The following TMEM232 variants were observed in gnomAD, a reference collection of about 807,000 sequenced individuals.
The protein encoded by TMEM232 is transmembrane protein 232.
A neutral mutation model predicts 78.8 loss-of-function variants in TMEM232; 80 were observed. The ratio of observed to expected loss-of-function variants is 1.01; its 90% confidence interval spans 0.85 to 1.22. TMEM232 has a LOEUF of 1.22. TMEM232 is among the 50% of genes most tolerant of loss of function. The pLI, the probability that TMEM232 is intolerant of heterozygous loss-of-function variation, is 0.00. For missense variants in TMEM232, 881 were observed against 742.2 expected (o/e 1.19, Z -2.17); for synonymous variants, 297 against 254.3 (o/e 1.17, Z -1.60).
rs1261700652 is a variant in TMEM232 at position 110,512,215 on chromosome 5, A to G, written c.1703+16373T>C. On this transcript the variant is annotated intron_variant, in intron 12 of 13. Coordinates refer to ENST00000455884, the MANE Select transcript of TMEM232 (RefSeq NM_001039763.4). ...TGTGGAAGAAGTATAATTTTTATTA[A>G]GTACTATATCTGAGACATTTGCTTT... is the stretch of plus-strand genomic sequence containing the variant. 2.0e-5 allele frequency among the ~76,000 whole-genome samples: 3 copies of G among 152,182 alleles called. No homozygotes were observed. In the East Asian group the frequency reaches 5.8e-4, roughly 29 times the overall value.
At chr5:110,719,269 G>GTA (rs528011957) in intron 1 of TMEM232, among the ~76,000 whole-genome samples, 27 of 151,354 alleles carry the variant, frequency 1.8e-4, no homozygotes, top group South Asian at 6.2e-4. Context: ...TATATGTGCT[G>GTA]TATATATATA....
chr5:110,508,333 A>C (rs1767197314), intron 12 of TMEM232, among the ~76,000 whole-genome samples: 1 of 152,046 alleles, frequency 6.6e-6, no homozygotes, highest in Non-Finnish European at 1.5e-5. Flanking sequence ...AGAAAGCATG[A>C]TTAGTGTTGG....
intron 5 of TMEM232, among the ~76,000 whole-genome samples, chr5:110,633,830 G>A (rs957614371): frequency 1.3e-5 from 2 of 151,968 alleles, no homozygotes; most frequent in African/African-American, 4.8e-5. Context: ...AATATGACAG[G>A]AACAAAACTT....
intron 12 of TMEM232, among the ~76,000 whole-genome samples, chr5:110,520,778 C>A (rs1049280219): frequency 2.0e-5 from 3 of 152,078 alleles, no homozygotes; most frequent in Non-Finnish European, 4.4e-5. Context: ...ATTAGCCAGG[C>A]ATGGTGTCGT....
intron 13 of TMEM232, among the ~76,000 whole-genome samples, chr5:110,423,446 A>C (rs147692266): frequency 6.6e-6 from 1 of 152,344 alleles, no homozygotes; most frequent in East Asian, 1.9e-4. Context: ...TGATATATAC[A>C]TGAATACTGA....
chr5:110,730,385 C>T (rs974201655), upstream of TMEM232, among the ~76,000 whole-genome samples: 5 of 152,178 alleles, frequency 3.3e-5, no homozygotes, highest in Non-Finnish European at 7.3e-5. Context: ...TTCTAGATGA[C>T]AATTTCTTAA....
chr5:110,486,454 T>G (rs903935869), intron 12 of TMEM232, among the ~76,000 whole-genome samples: 2 of 152,112 alleles, frequency 1.3e-5, no homozygotes, highest in South Asian at 2.1e-4. Flanking sequence ...TTTCAAGTTT[T>G]AGGGTTAAGT....
intron 2 of TMEM232, among the ~76,000 whole-genome samples, chr5:110,654,671 C>A (rs996631363): frequency 2.5e-4 from 38 of 152,138 alleles, no homozygotes; most frequent in Admixed American, 1.3e-3. Context: ...GTAGTTTTTT[C>A]CAATTCTGTG....
At chr5:110,589,545 G>A (rs12055360) in intron 10 of TMEM232, among the ~76,000 whole-genome samples, 1 of 152,142 alleles carries the variant, frequency 6.6e-6, no homozygotes, top group Admixed American at 6.6e-5. Context: ...GCAGTTATTA[G>A]TATGGACTCC....
At chr5:110,717,972 A>C (rs546701250) in intron 1 of TMEM232, among the ~76,000 whole-genome samples, 1 of 152,168 alleles carries the variant, frequency 6.6e-6, no homozygotes, top group African/African-American at 2.4e-5. Flanking sequence ...AAGGTCTTTA[A>C]CTTAGTTCAA....
chr5:110,565,145 TCTC>T (rs1480755287), intron 11 of TMEM232, among the ~76,000 whole-genome samples: 2 of 152,128 alleles, frequency 1.3e-5, no homozygotes, highest in African/African-American at 2.4e-5. Context: ...AAGCAAATGT[TCTC>T]CTCTTATAGT....
intron 11 of TMEM232, among the ~76,000 whole-genome samples, chr5:110,535,050 A>C (rs764279769): frequency 1.4e-4 from 21 of 151,962 alleles, no homozygotes; most frequent in Non-Finnish European, 2.6e-4. Context: ...ACCACCCCCC[A>C]AAAATTTTTA....
chr5:110,684,663 A>T (rs1793170430), intron 1 of TMEM232: 1 of 152,178 alleles, frequency 6.6e-6, no homozygotes, highest in Admixed American at 6.6e-5. Flanking sequence ...ACAAAAATTT[A>T]GCAAAGCTAT....
chr5:110,439,737 T>C (rs536696370), intron 12 of TMEM232, among the ~76,000 whole-genome samples: 1 of 152,156 alleles, frequency 6.6e-6, no homozygotes, highest in Admixed American at 6.6e-5. Flanking sequence ...ATTTTAATTC[T>C]TTTTCAATTC....
At chr5:110,707,729 C>G (rs1796073665) in intron 1 of TMEM232, among the ~76,000 whole-genome samples, 1 of 152,188 alleles carries the variant, frequency 6.6e-6, no homozygotes, top group Non-Finnish European at 1.5e-5. Context: ...CCAGGCAGTG[C>G]AGCTTGCAGC....
intron 1 of TMEM232, among the ~76,000 whole-genome samples, chr5:110,690,301 C>T (rs913904513): frequency 6.6e-6 from 1 of 151,956 alleles, no homozygotes; most frequent in Non-Finnish European, 1.5e-5. Flanking sequence ...AAATAAACAA[C>T]CCCTTCAAAA....
At position 110,491,388 on chromosome 5, in the gene TMEM232, T is replaced by C. The variant is rs192324285; in HGVS notation, c.1703+37200A>G. On this transcript the variant is annotated intron_variant, in intron 12 of 13. Coordinates refer to ENST00000455884, the MANE Select transcript of TMEM232 (RefSeq NM_001039763.4). ...TGATGGGTATATAAAATGGTGCAGT[T>C]GGTTTGAGAAAATTTAACAGTTTCT... 4.6e-5 allele frequency among the ~76,000 whole-genome samples: 7 copies of C among 152,134 alleles called. 1 individual carries two copies. Among genetic ancestry groups the C allele is most frequent in the Admixed American group, 1.3e-4 (2 of 15,238 alleles).
upstream of TMEM232, among the ~76,000 whole-genome samples, chr5:110,730,103 T>G (rs917123747): frequency 6.6e-6 from 1 of 152,216 alleles, no homozygotes; most frequent in African/African-American, 2.4e-5. Context: ...TTACACAATT[T>G]AAAATATGCA....
At chr5:110,700,748 A>T (rs1795324234) in intron 1 of TMEM232, among the ~76,000 whole-genome samples, 1 of 149,386 alleles carries the variant, frequency 6.7e-6, no homozygotes, top group African/African-American at 2.5e-5. Context: ...ATAAATAGGT[A>T]GATAGGTAGG....
Sources: gnomAD v4.1 joint callset for allele counts (sites outside exome capture counted in the v4.1 genomes callset) on GRCh38, gnomAD v4.1.1 for gene constraint, MANE v1.5 for transcripts, NCBI Gene and HGNC (gene_info 2026-07-23, HGNC 2026-07-21) for gene names.